ALDH1L1: variants seen among roughly 807,000 people sequenced by gnomAD.
The protein encoded by ALDH1L1 is aldehyde dehydrogenase 1 family member L1.
Under a neutral mutation model 101.1 loss-of-function variants are expected in ALDH1L1, and 68 were observed. That is an observed-to-expected ratio of 0.67 (90% confidence interval 0.55 to 0.82). ALDH1L1 has a LOEUF of 0.82. Among genes scored for constraint, ALDH1L1 ranks in the 40% least tolerant of loss-of-function variants. The pLI, the probability that ALDH1L1 is intolerant of heterozygous loss-of-function variation, is 0.00. For synonymous variants in ALDH1L1, 486 were observed against 470.8 expected (o/e 1.03, Z -0.42); for missense variants, 1,087 against 1,172.7 (o/e 0.93, Z 1.07).
At chr3:126,114,784 C>T in intron 17 of ALDH1L1, 128 bp from the exon 18 acceptor site, 1 of 822,670 alleles carries the variant, frequency 1.2e-6, no homozygotes, top group Non-Finnish European at 2.1e-6. Context: ...CCGGCCAGTG[C>T]CTCCCCACTC....
chr3:126,148,529 T>C (rs1271145351), intron 8 of ALDH1L1, among the ~76,000 whole-genome samples: 1 of 152,116 alleles, frequency 6.6e-6, no homozygotes, highest in Non-Finnish European at 1.5e-5. Context: ...CCATACATCC[T>C]GGAGGCCGAG....
chr3:126,185,861 A>G (rs941411257), upstream of ALDH1L1, among the ~76,000 whole-genome samples: 29 of 152,340 alleles, frequency 1.9e-4, no homozygotes, highest in African/African-American at 6.7e-4. Context: ...TTCAGACTTA[A>G]AAAGGAAGAA....
chr3:126,140,719 A>T (rs758145512), intron 9 of ALDH1L1, among the ~76,000 whole-genome samples: 7 of 152,098 alleles, frequency 4.6e-5, no homozygotes, highest in Non-Finnish European at 8.8e-5. Flanking sequence ...TATTATTCAA[A>T]CTACCTTGTT....
At chr3:126,138,063 C>T in intron 9 of ALDH1L1, 103 bp from the exon 10 acceptor site, 1 of 1,451,088 alleles carries the variant, frequency 6.9e-7, no homozygotes, top group Non-Finnish European at 9.4e-7. Flanking sequence ...GAGGCTCCAT[C>T]CCAGCACCGA....
At chr3:126,180,914 T>G (rs575762111), upstream of ALDH1L1, 4 of 1,606,560 alleles carry the variant, frequency 2.5e-6, no homozygotes, top group Non-Finnish European at 3.4e-6. Flanking sequence ...GCCAAGCCGG[T>G]GACTCACTCA....
At chr3:126,161,913 C>T (rs977573511) in intron 1 of ALDH1L1, among the ~76,000 whole-genome samples, 1 of 147,706 alleles carries the variant, frequency 6.8e-6, no homozygotes, top group Non-Finnish European at 1.5e-5. Context: ...GGACTTCTAA[C>T]AGCATCGAAT....
chr3:126,110,765 C>G lies in ALDH1L1; in HGVS notation c.2182-656G>C, dbSNP rs184479695. On this transcript the variant is annotated intron_variant, in intron 19 of 22. Coordinates refer to ENST00000393434, the MANE Select transcript of ALDH1L1 (RefSeq NM_012190.4). ...TGACTGTCCTGTCTCCACCCTGTAG[C>G]CAAACCCGGTTGCTTTTGTTCCTTA... Among the ~76,000 whole-genome samples the G allele has an allele frequency of 3.6e-3, 554 of 152,270 alleles. 3 individuals are homozygous for G. The highest frequency in any genetic ancestry group is 4.0e-3 in the Non-Finnish European group (271 of 68,026).
At chr3:126,138,969 G>T (rs2080510167) in intron 9 of ALDH1L1, among the ~76,000 whole-genome samples, 1 of 152,232 alleles carries the variant, frequency 6.6e-6, no homozygotes, top group Admixed American at 6.5e-5. Context: ...CAATTTAAAT[G>T]ATTTTCAGCC....
intron 19 of ALDH1L1, chr3:126,110,393 T>C (rs1203749452): frequency 2.1e-6 from 1 of 468,040 alleles, no homozygotes; most frequent in African/African-American, 2.0e-5. Context: ...GAGGCCGGCA[T>C]ATTTGACTAG....
intron 21 of ALDH1L1, among the ~76,000 whole-genome samples, chr3:126,106,200 G>A (rs1008746790): frequency 3.9e-5 from 6 of 152,176 alleles, no homozygotes; most frequent in Non-Finnish European, 5.9e-5. Flanking sequence ...GAGAGGGGCC[G>A]CTGGGTCCTC....
rs764869753 is a variant in ALDH1L1, at chr3:126,157,334, G to C, written c.528+9C>G. 6.2e-7 allele frequency: 1 copy of C among 1,606,304 alleles called. No homozygotes were observed. Among genetic ancestry groups the C allele is most frequent in the Non-Finnish European group, 8.5e-7 (1 of 1,174,242 alleles). ...GGCGGGCAGGGCGCGGCCGGCTCCAGGTCCTCACCATCCCTTTGATGCCTT... is the reference window on the plus strand; with the variant it reads ...GGCGGGCAGGGCGCGGCCGGCTCCACGTCCTCACCATCCCTTTGATGCCTT... On this transcript the variant is annotated intron_variant, in intron 4 of 22. Transcript: ENST00000393434.
intron 16 of ALDH1L1, among the ~76,000 whole-genome samples, chr3:126,122,562 T>A (rs1485294434): frequency 6.6e-6 from 1 of 152,222 alleles, no homozygotes; most frequent in Non-Finnish European, 1.5e-5. Context: ...TTCTCCTTTC[T>A]TTTCTCAACT....
chr3:126,117,868 G>T, intron 17 of ALDH1L1, 137 bp downstream of exon 17: 1 of 855,622 alleles, frequency 1.2e-6, no homozygotes, highest in Non-Finnish European at 1.8e-6. Flanking sequence ...TTCAGCGTTT[G>T]CATAGAGCCC....
At chr3:126,148,607 C>G (rs3843355) in intron 8 of ALDH1L1, among the ~76,000 whole-genome samples, 71,024 of 152,010 alleles carry the variant, frequency 0.47, 16,795 homozygotes, top group East Asian at 0.58. Flanking sequence ...GCACGGTGAA[C>G]AGCTAGAGGA....
chr3:126,116,226 T>C (rs1231860022), intron 17 of ALDH1L1, among the ~76,000 whole-genome samples: 1 of 151,662 alleles, frequency 6.6e-6, no homozygotes, highest in Non-Finnish European at 1.5e-5. Context: ...TGAGGTACTT[T>C]TTTTTTTGTT....
At chr3:126,190,158 G>A (rs1421691598) in intron 1 of ALDH1L1, among the ~76,000 whole-genome samples, 1 of 152,272 alleles carries the variant, frequency 6.6e-6, no homozygotes, top group East Asian at 1.9e-4. Flanking sequence ...TCTGACCAGA[G>A]AACATGCAAA....
At chr3:126,155,320 A>G (rs538296845) in intron 5 of ALDH1L1, 82 bp downstream of exon 5, 99 of 1,276,568 alleles carry the variant, frequency 7.8e-5, no homozygotes, top group Non-Finnish European at 1.1e-4. Flanking sequence ...ATCTGGGCTG[A>G]ACCCCAGCCT....
intron 17 of ALDH1L1, among the ~76,000 whole-genome samples, chr3:126,116,775 G>C (rs1287200219): frequency 2.6e-5 from 4 of 152,216 alleles, no homozygotes; most frequent in African/African-American, 9.6e-5. Context: ...CTCCCAGCTT[G>C]TCAGTGATGG....
intron 9 of ALDH1L1, among the ~76,000 whole-genome samples, chr3:126,140,435 C>T (rs963478099): frequency 1.3e-5 from 2 of 152,044 alleles, no homozygotes; most frequent in African/African-American, 4.8e-5. Flanking sequence ...GATAAAAGTA[C>T]CATAGACTTG....
Sources: allele counts gnomAD v4.1 joint callset (sites outside exome capture counted in the v4.1 genomes callset), GRCh38; gene constraint gnomAD v4.1.1; transcripts MANE v1.5; gene names NCBI Gene and HGNC (gene_info 2026-07-23, HGNC 2026-07-21).